Variants in KCNK9 observed in about 807,000 individuals in gnomAD.
KCNK9 encodes the protein potassium channel subfamily K member 9.
A neutral mutation model predicts 10.8 loss-of-function variants in KCNK9; 1 was observed. The ratio of observed to expected loss-of-function variants is 0.09; its 90% CI spans 0.03 to 0.44. The LOEUF (loss-of-function observed/expected upper bound fraction) is 0.44, where lower values mean the gene tolerates loss of function less well. Among genes scored for constraint, KCNK9 ranks in the 20% least tolerant of loss-of-function variants. The probability of loss-of-function intolerance (pLI) is 0.97; values close to 1 mark genes in which losing one functional copy is unlikely to be tolerated. For synonymous variants in KCNK9, 231 were observed against 222.7 expected (o/e 1.04, Z -0.33); for missense variants, 303 against 515.0 (o/e 0.59, Z 3.98).
chr8:139,673,049 G>A (rs1225494248), intron 1 of KCNK9, among the ~76,000 whole-genome samples: 2 of 152,218 alleles, frequency 1.3e-5, no homozygotes, highest in African/African-American at 4.8e-5. Flanking sequence ...CGGGATTCGG[G>A]CAAGGAGAAC....
At chr8:139,681,367 C>T (rs529490773) in intron 1 of KCNK9, among the ~76,000 whole-genome samples, 22 of 152,352 alleles carry the variant, frequency 1.4e-4, no homozygotes, top group East Asian at 1.9e-4. Flanking sequence ...CACCGGCAGA[C>T]GGAGTAACCT....
chr8:139,632,865 A>C (rs914125596), intron 1 of KCNK9, among the ~76,000 whole-genome samples: 2 of 152,192 alleles, frequency 1.3e-5, no homozygotes, highest in Non-Finnish European at 2.9e-5. Context: ...GCTGCTATGC[A>C]CCTAGCTCAT....
intron 1 of KCNK9, among the ~76,000 whole-genome samples, chr8:139,700,138 A>T (rs913850133): frequency 2.6e-5 from 4 of 152,190 alleles, no homozygotes; most frequent in African/African-American, 9.7e-5. Flanking sequence ...TGTAAATTTG[A>T]ACTCTTGTGC....
chr8:139,673,262 G>A (rs1450849328), intron 1 of KCNK9, among the ~76,000 whole-genome samples: 2 of 151,750 alleles, frequency 1.3e-5, no homozygotes, highest in Admixed American at 6.6e-5. Flanking sequence ...TGAATAAAAG[G>A]TTCTAAAATC....
chr8:139,687,385 A>ATATACATATATATTC (rs1816817991), intron 1 of KCNK9, among the ~76,000 whole-genome samples: 1 of 89,400 alleles, frequency 1.1e-5, no homozygotes, highest in African/African-American at 4.0e-5. Context: ...CATATATATG[A>ATATACATATATATTC]ATATATATGT....
At chr8:139,669,715 G>A (rs755251948) in intron 1 of KCNK9, among the ~76,000 whole-genome samples, 10 of 152,146 alleles carry the variant, frequency 6.6e-5, no homozygotes, top group Non-Finnish European at 1.5e-4. Flanking sequence ...TTGATATTTT[G>A]ACCTCCTTCT....
chr8:139,610,217 C>T (rs543637717), downstream of KCNK9, among the ~76,000 whole-genome samples: 20 of 152,316 alleles, frequency 1.3e-4, no homozygotes, highest in Middle Eastern at 3.4e-3. Context: ...ACAGTAGGCA[C>T]TCCTGGATCA....
At chr8:139,700,487 C>T (rs1817179704) in intron 1 of KCNK9, among the ~76,000 whole-genome samples, 1 of 107,736 alleles carries the variant, frequency 9.3e-6, no homozygotes, top group African/African-American at 6.5e-5. Flanking sequence ...CATACACATA[C>T]ACACACACAC....
At chr8:139,637,230 T>A (rs978567549) in intron 1 of KCNK9, among the ~76,000 whole-genome samples, 2 of 152,246 alleles carry the variant, frequency 1.3e-5, no homozygotes, top group African/African-American at 4.8e-5. Flanking sequence ...ATGACCTGCA[T>A]GTCGGAGTGC....
chr8:139,604,441 G>T (rs1364917516), intron 2 of KCNK9, among the ~76,000 whole-genome samples: 1 of 152,134 alleles, frequency 6.6e-6, no homozygotes, highest in Non-Finnish European at 1.5e-5. Context: ...GAAAAGAGCT[G>T]CTGGTTGAGG....
At chr8:139,671,325 C>T (rs1487469434) in intron 1 of KCNK9, among the ~76,000 whole-genome samples, 1 of 152,108 alleles carries the variant, frequency 6.6e-6, no homozygotes, top group Non-Finnish European at 1.5e-5. Context: ...AACTCTTGGG[C>T]CAATATCCTC....
chr8:139,678,128 G>A (rs1034399223), intron 1 of KCNK9, among the ~76,000 whole-genome samples: 1 of 152,254 alleles, frequency 6.6e-6, no homozygotes, highest in Non-Finnish European at 1.5e-5. Context: ...CTTGGCCCTG[G>A]AGGTGACTGG....
At chr8:139,635,795 A>G (rs760739954) in intron 1 of KCNK9, among the ~76,000 whole-genome samples, 2 of 152,170 alleles carry the variant, frequency 1.3e-5, no homozygotes, top group Non-Finnish European at 2.9e-5. Flanking sequence ...AGCATCTTAC[A>G]TTCCCTGCTA....
intron 2 of KCNK9, among the ~76,000 whole-genome samples, chr8:139,604,302 C>T (rs896848186): frequency 6.6e-6 from 1 of 152,090 alleles, no homozygotes; most frequent in African/African-American, 2.4e-5. Flanking sequence ...GGGGGAGACA[C>T]AATAGACGTG....
intron 1 of KCNK9, among the ~76,000 whole-genome samples, chr8:139,687,396 G>A (rs1240635260): frequency 8.9e-6 from 1 of 112,198 alleles, no homozygotes; most frequent in East Asian, 2.3e-4. Context: ...ATATATATGT[G>A]TATACATATA....
downstream of KCNK9, among the ~76,000 whole-genome samples, chr8:139,615,117 C>A (rs186250447): frequency 2.2e-3 from 329 of 152,226 alleles, 2 homozygotes; most frequent in African/African-American, 7.7e-3. Context: ...AGACCTGGGG[C>A]TAAGAAACTA....
intron 1 of KCNK9, among the ~76,000 whole-genome samples, chr8:139,656,957 C>T (rs1308232263): frequency 6.6e-6 from 1 of 152,228 alleles, no homozygotes; most frequent in Non-Finnish European, 1.5e-5. Context: ...AGTGCAGCCT[C>T]ACCCCCCTGC....
chr8:139,688,527 C>T (rs1019467314), intron 1 of KCNK9, among the ~76,000 whole-genome samples: 4 of 152,150 alleles, frequency 2.6e-5, no homozygotes, highest in East Asian at 3.9e-4. Context: ...CCACATGATC[C>T]GATCACTTCC....
chr8:139,644,495 GGT>G (rs1214143804), intron 1 of KCNK9, among the ~76,000 whole-genome samples: 3 of 152,152 alleles, frequency 2.0e-5, no homozygotes, highest in African/African-American at 4.8e-5. Flanking sequence ...GGTGGTTCAG[GGT>G]GGGCTCCCGC....
Sources: allele counts gnomAD v4.1 joint callset (sites outside exome capture counted in the v4.1 genomes callset), GRCh38; gene constraint gnomAD v4.1.1; transcripts MANE v1.5; gene names NCBI Gene and HGNC (gene_info 2026-07-23, HGNC 2026-07-21).